The following NR2F1-AS1 variants were observed in gnomAD, a reference collection of about 807,000 sequenced individuals.
NR2F1-AS1 encodes the protein NR2F1 antisense RNA 1.
At chr5:93,581,668 G>GTCTCTC (rs1232503527), upstream of NR2F1-AS1, among the ~76,000 whole-genome samples, 1 of 32,124 alleles carries the variant, frequency 3.1e-5, no homozygotes, top group African/African-American at 9.4e-5. Context: ...CGGGGTCTCG[G>GTCTCTC]TCTCTCTCTC....
intron 4 of NR2F1-AS1, among the ~76,000 whole-genome samples, chr5:93,480,038 T>G (rs953143257): frequency 6.6e-6 from 1 of 152,052 alleles, no homozygotes; most frequent in African/African-American, 2.4e-5. Context: ...ACAGGACTTA[T>G]AGGACATCAT....
chr5:93,571,075 T>C (rs1752753814), intron 1 of NR2F1-AS1: 1 of 152,342 alleles, frequency 6.6e-6, no homozygotes, highest in Admixed American at 6.5e-5. Context: ...GGGCAGGTGT[T>C]TCCTGGCCGC....
intron 1 of NR2F1-AS1, among the ~76,000 whole-genome samples, chr5:93,567,745 A>G (rs1477790826): frequency 1.3e-5 from 2 of 152,172 alleles, no homozygotes; most frequent in Admixed American, 1.3e-4. Flanking sequence ...TTTAAAGAGG[A>G]TAGATTTCAG....
intron 4 of NR2F1-AS1, among the ~76,000 whole-genome samples, chr5:93,433,379 T>G (rs1749366200): frequency 1.3e-5 from 2 of 152,202 alleles, no homozygotes; most frequent in Admixed American, 6.5e-5. Context: ...CAAATTCTGT[T>G]CTTCTCAAAG....
At chr5:93,461,844 G>A (rs1019987720) in intron 4 of NR2F1-AS1, among the ~76,000 whole-genome samples, 1 of 152,082 alleles carries the variant, frequency 6.6e-6, no homozygotes, top group Non-Finnish European at 1.5e-5. Context: ...TACTAGACAA[G>A]CTGAGTTACT....
intron 4 of NR2F1-AS1, among the ~76,000 whole-genome samples, chr5:93,485,934 T>G (rs1430139352): frequency 2.9e-5 from 4 of 138,500 alleles, no homozygotes; most frequent in African/African-American, 1.1e-4. Context: ...TATGCAGCCA[T>G]AAAAAATGAT....
At chr5:93,495,942 C>G (rs562061609) in intron 4 of NR2F1-AS1, 1 of 152,080 alleles carries the variant, frequency 6.6e-6, no homozygotes, top group Admixed American at 6.6e-5. Context: ...AATGTATATT[C>G]TCAAAACTGT....
intron 1 of NR2F1-AS1, chr5:93,570,493 C>A (rs901095559): frequency 1.2e-4 from 19 of 152,424 alleles, no homozygotes; most frequent in African/African-American, 4.3e-4. Flanking sequence ...CGGGGACCCA[C>A]TCACACTCCC....
intron 4 of NR2F1-AS1, chr5:93,543,341 T>C (rs1470534193): frequency 6.6e-6 from 1 of 152,162 alleles, no homozygotes; most frequent in Non-Finnish European, 1.5e-5. Flanking sequence ...CACTTGCGTA[T>C]TTAAAAAATT....
intron 1 of NR2F1-AS1, among the ~76,000 whole-genome samples, chr5:93,564,446 T>C (rs1333803530): frequency 2.0e-5 from 3 of 152,218 alleles, no homozygotes; most frequent in Non-Finnish European, 4.4e-5. Flanking sequence ...ATGAATTAAA[T>C]TCGTTAGAGT....
At chr5:93,581,747 TCC>T (rs1753062475), upstream of NR2F1-AS1, among the ~76,000 whole-genome samples, 2 of 27,560 alleles carry the variant, frequency 7.3e-5, no homozygotes, top group African/African-American at 3.2e-4. Context: ...CCTCTCCCTC[TCC>T]CTCTCCCTCT....
chr5:93,495,145 C>T (rs1750933258), intron 4 of NR2F1-AS1, among the ~76,000 whole-genome samples: 1 of 152,106 alleles, frequency 6.6e-6, no homozygotes, highest in South Asian at 2.1e-4. Flanking sequence ...AAACATCATG[C>T]ATTTTGCAAA....
chr5:93,509,781 A>G (rs1261766088), intron 4 of NR2F1-AS1, among the ~76,000 whole-genome samples: 1 of 151,964 alleles, frequency 6.6e-6, no homozygotes, highest in Non-Finnish European at 1.5e-5. Flanking sequence ...AATATTTCCT[A>G]TTTTAAATGT....
At chr5:93,584,974 G>A, upstream of NR2F1-AS1, 1 of 905,458 alleles carries the variant, frequency 1.1e-6, no homozygotes. Flanking sequence ...GCGCCCCGCG[G>A]CCCTCGGCGA....
At chr5:93,565,535 T>C (rs914496575) in intron 1 of NR2F1-AS1, among the ~76,000 whole-genome samples, 12 of 152,046 alleles carry the variant, frequency 7.9e-5, no homozygotes, top group Non-Finnish European at 1.6e-4. Flanking sequence ...CATAAAGAAA[T>C]ATATTCTGGA....
intron 4 of NR2F1-AS1, among the ~76,000 whole-genome samples, chr5:93,420,999 T>C (rs1254703384): frequency 1.3e-5 from 2 of 152,202 alleles, no homozygotes; most frequent in East Asian, 3.8e-4. Context: ...AAATCATGCT[T>C]CATAACATCA....
rs867229044 is a variant in NR2F1-AS1 at position 93,527,154 on chromosome 5, G to T, written n.638+26607C>A. ...GATAAGCAACTTCAGCAAAGTCTCA[G>T]GATACAAAATCAATGTGCAAAAATC... is the stretch of plus-strand genomic sequence containing the variant. On this transcript the variant is annotated intron_variant and non_coding_transcript_variant, in intron 4 of 5. Transcript: ENST00000660523. Among the ~76,000 whole-genome samples, 11 of 152,214 alleles carry T rather than the reference G, an allele frequency of 7.2e-5. No individual in the cohort carries two copies. In the Middle Eastern group the frequency reaches 0.01, roughly 142 times the overall value.
At chr5:93,449,048 A>C (rs572121268) in intron 4 of NR2F1-AS1, among the ~76,000 whole-genome samples, 3 of 152,306 alleles carry the variant, frequency 2.0e-5, no homozygotes, top group African/African-American at 7.2e-5. Context: ...TTATTGTTGC[A>C]GCATAGATGG....
At chr5:93,577,343 C>G (rs1256949538) in intron 1 of NR2F1-AS1, among the ~76,000 whole-genome samples, 1 of 152,218 alleles carries the variant, frequency 6.6e-6, no homozygotes, top group Non-Finnish European at 1.5e-5. Context: ...GCTACCAGAG[C>G]GATAGTAAAC....
Sources: gnomAD v4.1 joint callset for allele counts (sites outside exome capture counted in the v4.1 genomes callset) on GRCh38, gnomAD v4.1.1 for gene constraint, MANE v1.5 for transcripts, NCBI Gene and HGNC (gene_info 2026-07-23, HGNC 2026-07-21) for gene names.